ANKRD45: variants seen among roughly 807,000 people sequenced by gnomAD.
The protein encoded by ANKRD45 is ankyrin repeat domain 45.
A neutral mutation model predicts 28.1 loss-of-function variants in ANKRD45; 21 were observed. The observed-to-expected ratio is 0.75, with a 90% CI of 0.53 to 1.08. The LOEUF (loss-of-function observed/expected upper bound fraction) is 1.08. ANKRD45 is among the 50% of genes least tolerant of loss of function. ANKRD45 has a pLI of 0.00. For missense variants in ANKRD45, 261 were observed against 308.7 expected (o/e 0.85, Z 1.16); for synonymous variants, 86 against 103.9 (o/e 0.83, Z 1.05).
chr1:173,686,324 A>G, the ANKRD45 span, among the ~76,000 whole-genome samples: 2 of 152,060 alleles, frequency 1.3e-5, no homozygotes, highest in Non-Finnish European at 2.9e-5. Flanking sequence ...TTAAAGTTAA[A>G]TTTTTCTTAG....
chr1:173,652,025 A>G (rs1669249761), intron 2 of ANKRD45, among the ~76,000 whole-genome samples: 2 of 152,198 alleles, frequency 1.3e-5, no homozygotes, highest in Admixed American at 1.3e-4. Context: ...TAAATACACA[A>G]TCATGTCATC....
At position 173,610,344 on chromosome 1, in the gene ANKRD45, C is replaced by G; in HGVS notation, c.731-129G>C. ...CAGGCTGAACCAGCTACTAATTCAACCCTAGTGTTGTTGGTATGTCATTCA... is the reference window on the plus strand; with the variant it reads ...CAGGCTGAACCAGCTACTAATTCAAGCCTAGTGTTGTTGGTATGTCATTCA... On this transcript the variant is annotated intron_variant, in intron 5 of 5. Transcript: ENST00000333279. 3 of 814,186 alleles carry G rather than the reference C, an allele frequency of 3.7e-6. No homozygotes were observed. In the South Asian group the frequency reaches 4.8e-5, roughly 13 times the overall value. 50.4% of individuals were successfully genotyped at this position (814,186 alleles called of 1,614,324 possible).
the ANKRD45 span, among the ~76,000 whole-genome samples, chr1:173,693,065 C>T: frequency 4.2e-5 from 6 of 141,242 alleles, no homozygotes; most frequent in East Asian, 6.9e-4. Context: ...GATGGGGGGC[C>T]GGGGGGGTGG....
At chr1:173,702,747 G>A in the ANKRD45 span, among the ~76,000 whole-genome samples, 13 of 145,808 alleles carry the variant, frequency 8.9e-5, no homozygotes, top group Non-Finnish European at 1.7e-4. Context: ...TTTGAGATAG[G>A]GTCTCACTTT....
the ANKRD45 span, among the ~76,000 whole-genome samples, chr1:173,687,050 AAT>A: frequency 1.3e-5 from 2 of 152,194 alleles, no homozygotes; most frequent in African/African-American, 4.8e-5. Flanking sequence ...AACTTTAGCC[AAT>A]ATGTTTACAC....
intron 5 of ANKRD45, among the ~76,000 whole-genome samples, chr1:173,619,556 G>A (rs1240200752): frequency 6.6e-6 from 1 of 152,162 alleles, no homozygotes; most frequent in Non-Finnish European, 1.5e-5. Context: ...GGCTGGGCAT[G>A]GTGGCTCATG....
chr1:173,645,976 A>G (rs548916718), intron 3 of ANKRD45, among the ~76,000 whole-genome samples: 1 of 152,292 alleles, frequency 6.6e-6, no homozygotes, highest in East Asian at 1.9e-4. Flanking sequence ...CTCCCACCTA[A>G]CAAATATCCA....
chr1:173,669,936 G>A (rs1670198698), upstream of ANKRD45: 3 of 169,580 alleles, frequency 1.8e-5, no homozygotes, highest in Middle Eastern at 1.0e-3. Context: ...CAAAGGCGCA[G>A]GAAGCCAGAG....
Position 173,610,208 on chromosome 1 carries a change from C to T in ANKRD45, c.738G>A (p.Val246=), listed in dbSNP as rs1667084034. 6.2e-7 allele frequency: 1 copy of T among 1,613,882 alleles called. No individual in the cohort carries two copies. Among genetic ancestry groups the T allele is most frequent in the African/African-American group, 1.3e-5 (1 of 74,936 alleles). ...IFTKMTTPCQ[V]KSAKSVTSHD... is the part of the protein sequence containing the mutation. ...GGCTTGTTACAGATTTGGCACTTTT[C>T]ACTTGACCTGAAAGGAAACAGATTT... Residue 246 remains valine, a synonymous_variant, in exon 6 of 6, where the codon GTG becomes GTA. Coordinates refer to ENST00000333279, the MANE Select transcript of ANKRD45 (RefSeq NM_198493.3).
intron 5 of ANKRD45, among the ~76,000 whole-genome samples, chr1:173,618,525 G>A (rs1219095891): frequency 6.6e-6 from 1 of 152,134 alleles, no homozygotes; most frequent in African/African-American, 2.4e-5. Context: ...AACAGACGAA[G>A]AGGAGGAAAA....
chr1:173,707,243 C>G, the ANKRD45 span, among the ~76,000 whole-genome samples: 50 of 151,106 alleles, frequency 3.3e-4, no homozygotes, highest in Non-Finnish European at 4.4e-5. Context: ...TTTTTTACTA[C>G]ATTTATCTTT....
chr1:173,671,593 G>A (rs1487935643), upstream of ANKRD45, among the ~76,000 whole-genome samples: 3 of 151,948 alleles, frequency 2.0e-5, no homozygotes, highest in Admixed American at 2.0e-4. Flanking sequence ...CCCTAAGGCC[G>A]GGCACGGTGG....
the ANKRD45 span, among the ~76,000 whole-genome samples, chr1:173,705,501 GA>G: frequency 0.042 from 5,330 of 125,994 alleles, 284 homozygotes; most frequent in African/African-American, 0.13. Flanking sequence ...TGTCTCTATA[GA>G]AAAAAAAAAA....
intron 5 of ANKRD45, among the ~76,000 whole-genome samples, chr1:173,616,288 T>A (rs549798787): frequency 6.6e-6 from 1 of 151,864 alleles, no homozygotes; most frequent in Admixed American, 6.6e-5. Context: ...CAGGGGCAGG[T>A]CCAGAGGGCA....
At chr1:173,703,495 C>T in the ANKRD45 span, among the ~76,000 whole-genome samples, 22 of 152,230 alleles carry the variant, frequency 1.4e-4, no homozygotes, top group East Asian at 5.8e-4. Context: ...TGTCAATCAC[C>T]GCGCCCGATA....
intron 3 of ANKRD45, chr1:173,635,637 CAGA>C (rs1338201401): frequency 2.6e-6 from 4 of 1,535,392 alleles, no homozygotes; most frequent in Admixed American, 2.0e-5. Context: ...GAGATTCTTC[CAGA>C]AGAAGTACAT....
the ANKRD45 span, among the ~76,000 whole-genome samples, chr1:173,684,775 C>T: frequency 1.5e-4 from 23 of 152,168 alleles, no homozygotes; most frequent in Non-Finnish European, 2.8e-4. Flanking sequence ...TTAAGGCTAT[C>T]CTATTTTCCC....
intron 5 of ANKRD45, among the ~76,000 whole-genome samples, chr1:173,623,236 C>A (rs1325393792): frequency 6.6e-6 from 1 of 151,670 alleles, no homozygotes; most frequent in Non-Finnish European, 1.5e-5. Context: ...TCGCTTGAAC[C>A]CAGGAGGTGG....
chr1:173,656,986 G>A (rs534802678), intron 2 of ANKRD45, among the ~76,000 whole-genome samples: 1 of 147,898 alleles, frequency 6.8e-6, no homozygotes, highest in South Asian at 2.2e-4. Context: ...AGGAGGTAGG[G>A]AGGCTTGTCT....
Sources: allele counts gnomAD v4.1 joint callset (sites outside exome capture counted in the v4.1 genomes callset), GRCh38; gene constraint gnomAD v4.1.1; transcripts MANE v1.5; gene names NCBI Gene and HGNC (gene_info 2026-07-23, HGNC 2026-07-21).